The following TLCD1 variants were observed in gnomAD, a reference collection of about 807,000 sequenced individuals.
The protein encoded by TLCD1 is TLC domain-containing protein 1.
A neutral mutation model predicts 21.2 loss-of-function variants in TLCD1; 21 were observed. That is an observed-to-expected ratio of 0.99 (90% confidence interval 0.70 to 1.42). TLCD1 has a LOEUF of 1.42. Ranked by LOEUF, TLCD1 falls within the 40% of genes most tolerant of loss-of-function variation. TLCD1 has a pLI of 0.00. For synonymous variants in TLCD1, 168 were observed against 134.8 expected (o/e 1.25, Z -1.71); for missense variants, 344 against 330.3 (o/e 1.04, Z -0.32).
chr17:28,726,880 C>T (rs2034241220), upstream of TLCD1: 2 of 1,453,356 alleles, frequency 1.4e-6, no homozygotes, highest in Admixed American at 3.9e-5. Flanking sequence ...CAGACAGTCC[C>T]GGCCCTCGGC....
upstream of TLCD1, chr17:28,727,040 C>A (rs1030576270): frequency 3.4e-6 from 2 of 585,914 alleles, no homozygotes; most frequent in Admixed American, 3.0e-5. Context: ...CTCCCCCTCC[C>A]GCCTCCGAGC....
chr17:28,724,457 T>C lies in TLCD1; in HGVS notation c.*53A>G. The C allele has an allele frequency of 3.8e-6, 6 of 1,582,412 alleles. No homozygotes were observed. The Admixed American group carries it at 1.0e-4, about 27-fold the overall frequency. On this transcript the variant is annotated 3_prime_UTR_variant, in exon 4 of 4. Coordinates refer to ENST00000292090, the MANE Select transcript of TLCD1 (RefSeq NM_138463.4). ...GCTTGGGGCTAAGTCCCAGTGTCCA[T>C]ATGAAGCTGTTTCTGGCCTTGTCCG...
At chr17:28,725,657 T>C (rs889034414) in intron 1 of TLCD1, 94 bp from the exon 2 acceptor site, 1 of 1,387,700 alleles carries the variant, frequency 7.2e-7, no homozygotes, top group Non-Finnish European at 1.0e-6. Context: ...GATCCTGGGC[T>C]CGCGCTAGTG....
At position 28,725,809 on chromosome 17, in the gene TLCD1, C is replaced by T. The variant is rs1440580062; in HGVS notation, c.194+95G>A. ...TCAGGTGAGACTGCGTGGCCTCAGC[C>T]CGCCAGTGAGCGATGGGGGTAGTAA... On this transcript the variant is annotated intron_variant, in intron 1 of 3. Transcript: ENST00000292090. 4 of 1,479,616 alleles carry T rather than the reference C, an allele frequency of 2.7e-6. No homozygotes were observed. In the South Asian group the frequency reaches 5.3e-5, roughly 19 times the overall value. The allele number at this position is 1,479,616 out of a possible 1,614,324, so 91.7% of individuals were successfully genotyped here. A position where few individuals can be genotyped will look rare whatever the true frequency, so the allele number is the denominator to read the frequency against.
In TLCD1 at chr17:28,725,470, GC is replaced by G; in HGVS notation, c.277+10del. On this transcript the variant is annotated intron_variant, in intron 2 of 3. Coordinates refer to ENST00000292090, the MANE Select transcript of TLCD1 (RefSeq NM_138463.4). ...CCCCAATTTGCCTCCCGCTTCCTGGGCAAGACCTACCCGCAGAGAAGCAAAC... is the reference window on the plus strand; with the variant it reads ...CCCCAATTTGCCTCCCGCTTCCTGGGAAGACCTACCCGCAGAGAAGCAAAC... 6.2e-7 allele frequency: 1 copy of G among 1,614,126 alleles called. No homozygotes were observed. The highest frequency in any genetic ancestry group is 8.5e-7 in the Non-Finnish European group (1 of 1,180,024).
At position 28,724,359 on chromosome 17, in the gene TLCD1, A is replaced by C. The variant is rs2151726099; in HGVS notation, c.*151T>G. ...TAAAGGACAAGGACTTCAGAGGAGT[A>C]CTTTCATTAGTGTTTTCAATAGTGT... On this transcript the variant is annotated 3_prime_UTR_variant, in exon 4 of 4. Coordinates refer to ENST00000292090, the MANE Select transcript of TLCD1 (RefSeq NM_138463.4). 1.0e-6 allele frequency: 1 copy of C among 993,596 alleles called. No homozygotes were observed. Among genetic ancestry groups the C allele is most frequent in the African/African-American group, 1.6e-5 (1 of 61,920 alleles). The allele number at this position is 993,596 out of a possible 1,614,324, so 61.5% of individuals were successfully genotyped here.
At chr17:28,725,432 T>G in intron 2 of TLCD1, 46 bp from the exon 3 acceptor site, 1 of 1,614,020 alleles carries the variant, frequency 6.2e-7, no homozygotes, top group Non-Finnish European at 8.5e-7. Flanking sequence ...ACAAGCAGCT[T>G]CCTTCTCCCT....
chr17:28,724,566 AGTC>A lies in TLCD1; in HGVS notation c.685_687del (p.Asp229del). ...TTCTTGGGGACATGCTCAGGGCAGA[AGTC>A]AGAGCGGAGGAGGCGGGAAAAGTAG... On this transcript the variant is annotated inframe_deletion, in exon 4 of 4. Coordinates refer to ENST00000292090, the MANE Select transcript of TLCD1 (RefSeq NM_138463.4). The A allele has an allele frequency of 6.2e-7, 1 of 1,614,172 alleles. No individual in the cohort carries two copies. The highest frequency in any genetic ancestry group is 8.5e-7 in the Non-Finnish European group (1 of 1,180,016).
At position 28,724,569 on chromosome 17, in the gene TLCD1, CAG is replaced by C. The variant is rs778710494; in HGVS notation, c.683_684del (p.Ser228Ter). 9 of 1,614,126 alleles carry C rather than the reference CAG, an allele frequency of 5.6e-6. No individual in the cohort carries two copies. In the Admixed American group the frequency reaches 1.2e-4, roughly 21 times the overall value. On this transcript the variant is annotated frameshift_variant, in exon 4 of 4. Coordinates refer to ENST00000292090, the MANE Select transcript of TLCD1 (RefSeq NM_138463.4). LOFTEE classifies it high-confidence loss of function. ...TTGGGGACATGCTCAGGGCAGAAGT[CAG>C]AGCGGAGGAGGCGGGAAAAGTAGAT... Reference protein sequence around the residue: ...IIIYFSRLLRSDFCPEHVPKK... With the variant: ...IIIYFSRLLRXDFCPEHVPKK...
chr17:28,725,849 C>A (rs2034216511), intron 1 of TLCD1, 55 bp downstream of exon 1: 8 of 1,580,068 alleles, frequency 5.1e-6, no homozygotes, highest in South Asian at 3.4e-5. Flanking sequence ...AGAGCCGGCC[C>A]CGGCTCCCCG....
chr17:28,726,404 C>T (rs1176531363), upstream of TLCD1, among the ~76,000 whole-genome samples: 3 of 151,398 alleles, frequency 2.0e-5, no homozygotes, highest in Non-Finnish European at 4.4e-5. Flanking sequence ...GGCCGGCTCC[C>T]GCGGACTTCG....
rs2034210444 is a variant in TLCD1, at chr17:28,725,564, CTG to C, written c.195-3_195-2del. 6.2e-7 allele frequency: 1 copy of C among 1,614,050 alleles called. No individual in the cohort carries two copies. Among genetic ancestry groups the C allele is most frequent in the Non-Finnish European group, 8.5e-7 (1 of 1,179,958 alleles). ...TAACATGTCAGGAGTCTGCCATACA[CTG>C]GAAAGGAGGGAAGAGGAGGCTCTGC... On this transcript the variant is annotated splice_acceptor_variant and splice_polypyrimidine_tract_variant and intron_variant, in intron 1 of 3. Transcript: ENST00000292090. LOFTEE classifies it high-confidence loss of function.
In TLCD1 at chr17:28,725,945, GGAGACGA is replaced by G; in HGVS notation, c.146_152del (p.Leu49ProfsTer23). The G allele has an allele frequency of 6.2e-7, 1 of 1,612,976 alleles. No individual in the cohort carries two copies. The highest frequency in any genetic ancestry group is 1.1e-5 in the South Asian group (1 of 91,068). ...TCCCCGACACAATGGAGTGAGCGAA[GGAGACGA>G]GCAGGTTGTGCCAGCGCCAGGTGCG... On this transcript the variant is annotated frameshift_variant, in exon 1 of 4. Coordinates refer to ENST00000292090, the MANE Select transcript of TLCD1 (RefSeq NM_138463.4). LOFTEE classifies it high-confidence loss of function.
In TLCD1 at chr17:28,724,389, G is replaced by C; in HGVS notation, c.*121C>G. 8.1e-7 allele frequency: 1 copy of C among 1,237,746 alleles called. No individual in the cohort carries two copies. The highest frequency in any genetic ancestry group is 1.1e-6 in the Non-Finnish European group (1 of 887,812). The allele number at this position is 1,237,746 out of a possible 1,614,324, so 76.7% of individuals were successfully genotyped here. A position where few individuals can be genotyped will look rare whatever the true frequency, so the allele number is the denominator to read the frequency against. On this transcript the variant is annotated 3_prime_UTR_variant, in exon 4 of 4. Coordinates refer to ENST00000292090, the MANE Select transcript of TLCD1 (RefSeq NM_138463.4). The stretch of plus-strand genomic sequence containing the variant: ...CATTAGTGTTTTCAATAGTGTGGGC[G>C]CAGGCTCAGAAGGTGGAGAGGCTGG...
At position 28,725,936 on chromosome 17, in the gene TLCD1, G is replaced by T. The variant is rs748311460; in HGVS notation, c.162C>A (p.His54Gln). The T allele has an allele frequency of 6.2e-7, 1 of 1,613,014 alleles. No individual in the cohort carries two copies. Among genetic ancestry groups the T allele is most frequent in the Non-Finnish European group, 8.5e-7 (1 of 1,179,908 alleles). ...GTGCCCAGATCCCCGACACAATGGA[G>T]TGAGCGAAGGAGACGAGCAGGTTGT... The part of the protein sequence containing the change: ...RWHNLLVSFA[H>Q]SIVSGIWALL... Residue 54 changes from histidine to glutamine, a missense_variant, in exon 1 of 4, where the codon CAC becomes CAA. Coordinates refer to ENST00000292090, the MANE Select transcript of TLCD1 (RefSeq NM_138463.4).
Position 28,726,130 on chromosome 17 carries a change from G to A in TLCD1, c.-33C>T. ...CTCCCTGCCGTCCGCCCTCGAGGCCGCCTCCTAGGTCTGTTCTGGGAACCG... is the reference window on the plus strand; with the variant it reads ...CTCCCTGCCGTCCGCCCTCGAGGCCACCTCCTAGGTCTGTTCTGGGAACCG... On this transcript the variant is annotated 5_prime_UTR_variant, in exon 1 of 4. Transcript: ENST00000292090. 1 of 1,422,068 alleles carries A rather than the reference G, an allele frequency of 7.0e-7. No individual in the cohort carries two copies. Among genetic ancestry groups the A allele is most frequent in the Non-Finnish European group, 9.1e-7 (1 of 1,100,554 alleles). 88.1% of individuals were successfully genotyped at this position (1,422,068 alleles called of 1,614,324 possible). A position where few individuals can be genotyped will look rare whatever the true frequency, so the allele number is the denominator to read the frequency against.
At position 28,725,290 on chromosome 17, in the gene TLCD1, T is replaced by C. The variant is rs1413853242; in HGVS notation, c.360+14A>G. 2.5e-6 allele frequency: 4 copies of C among 1,613,782 alleles called. No individual in the cohort carries two copies. The highest frequency in any genetic ancestry group is 1.7e-5 in the Admixed American group (1 of 59,996). On this transcript the variant is annotated intron_variant, in intron 3 of 3. Transcript: ENST00000292090. Reference sequence around the variant, plus strand: ...GACACCAGGCCTATACCACATAGTCTGCTTCTCTCTTACCATGACGTGATG... The same window carrying C: ...GACACCAGGCCTATACCACATAGTCCGCTTCTCTCTTACCATGACGTGATG...
In TLCD1 at chr17:28,726,167, G is replaced by C. The variant is rs1373063047; in HGVS notation, c.-70C>G. On this transcript the variant is annotated 5_prime_UTR_variant, in exon 1 of 4. Transcript: ENST00000292090. ...TGTTCTGGGAACCGGGATCCCTCTCGGGCCAGTCCAGGCCGGCCGCCTCTC... is the reference window on the plus strand; with the variant it reads ...TGTTCTGGGAACCGGGATCCCTCTCCGGCCAGTCCAGGCCGGCCGCCTCTC... 200 of 1,393,532 alleles carry C rather than the reference G, an allele frequency of 1.4e-4. 1 individual carries two copies. In the East Asian group the frequency reaches 4.5e-3, roughly 31 times the overall value. 86.3% of individuals were successfully genotyped at this position (1,393,532 alleles called of 1,614,324 possible). A position where few individuals can be genotyped will look rare whatever the true frequency, so the allele number is the denominator to read the frequency against.
rs1314719799 is a variant in TLCD1, at chr17:28,726,099, C to G, written c.-2G>C. On this transcript the variant is annotated 5_prime_UTR_variant, in exon 1 of 4. Coordinates refer to ENST00000292090, the MANE Select transcript of TLCD1 (RefSeq NM_138463.4). ...GGCGGGGTGCAGCAGTCGGGGCATG[C>G]TGGCCCTCCCTGCCGTCCGCCCTCG... The G allele has an allele frequency of 4.9e-6, 7 of 1,438,532 alleles. No homozygotes were observed. Among genetic ancestry groups the G allele is most frequent in the Non-Finnish European group, 6.3e-6 (7 of 1,106,994 alleles). The allele number at this position is 1,438,532 out of a possible 1,614,324, so 89.1% of individuals were successfully genotyped here. A position where few individuals can be genotyped will look rare whatever the true frequency, so the allele number is the denominator to read the frequency against.
Sources: gnomAD v4.1 joint callset for allele counts (sites outside exome capture counted in the v4.1 genomes callset) on GRCh38, gnomAD v4.1.1 for gene constraint, MANE v1.5 for transcripts, NCBI Gene and HGNC (gene_info 2026-07-23, HGNC 2026-07-21) for gene names.